LRBA: variants seen among roughly 807,000 people sequenced by gnomAD.
LRBA encodes the protein LPS responsive beige-like anchor protein, also known as lipopolysaccharide-responsive and beige-like anchor protein.
In LRBA, 176 loss-of-function variants were observed where a neutral mutation model predicts 330.0. The observed-to-expected ratio is 0.53, with a 90% confidence interval of 0.47 to 0.60. The LOEUF (loss-of-function observed/expected upper bound fraction) is 0.60, where lower values mean the gene tolerates loss of function less well. LRBA is among the 20% of genes least tolerant of loss of function. The probability of loss-of-function intolerance (pLI) is 0.00; values close to 1 mark genes in which losing one functional copy is unlikely to be tolerated. For missense variants in LRBA, 3,259 were observed against 3,444.8 expected (o/e 0.95, Z 1.35); for synonymous variants, 1,230 against 1,193.0 (o/e 1.03, Z -0.64).
chr4:150,664,891 T>C (rs1781437297), intron 37 of LRBA, among the ~76,000 whole-genome samples: 1 of 152,196 alleles, frequency 6.6e-6, no homozygotes. Flanking sequence ...TTTTGAGACA[T>C]AACTCACATA....
At chr4:150,729,717 A>T (rs1560740032) in intron 36 of LRBA, among the ~76,000 whole-genome samples, 1 of 152,198 alleles carries the variant, frequency 6.6e-6, no homozygotes. Flanking sequence ...ATAAAACTGG[A>T]GGAATCAGAT....
At chr4:150,639,375 A>G (rs1343459740) in intron 37 of LRBA, among the ~76,000 whole-genome samples, 2 of 130,080 alleles carry the variant, frequency 1.5e-5, no homozygotes, top group African/African-American at 2.8e-5. Flanking sequence ...AAAAAAAAGA[A>G]AAAAAAAAAC....
At chr4:150,638,752 G>T (rs1778185851) in intron 37 of LRBA, among the ~76,000 whole-genome samples, 1 of 130,442 alleles carries the variant, frequency 7.7e-6, no homozygotes, top group African/African-American at 3.0e-5. Context: ...TACACTGTTG[G>T]TGGGACTGTA....
intron 9 of LRBA, among the ~76,000 whole-genome samples, chr4:150,912,656 T>G (rs2149484454): frequency 6.6e-6 from 1 of 152,316 alleles, no homozygotes; most frequent in East Asian, 1.9e-4. Context: ...TCCATGAAAC[T>G]GGTCCCTGGG....
intron 37 of LRBA, among the ~76,000 whole-genome samples, chr4:150,651,335 G>T (rs541115716): frequency 6.6e-6 from 1 of 152,190 alleles, no homozygotes; most frequent in African/African-American, 2.4e-5. Flanking sequence ...ACGGTGACAC[G>T]GCTATCCTGT....
chr4:151,003,830 TG>T (rs1743693761), intron 2 of LRBA, among the ~76,000 whole-genome samples: 2 of 150,920 alleles, frequency 1.3e-5, no homozygotes, highest in South Asian at 2.1e-4. Flanking sequence ...CATAGACGAA[TG>T]GAACAGAATA....
At chr4:150,767,037 T>G (rs374114825) in intron 34 of LRBA, among the ~76,000 whole-genome samples, 83 of 152,156 alleles carry the variant, frequency 5.5e-4, no homozygotes, top group African/African-American at 1.9e-3. Flanking sequence ...TGAAATCTAC[T>G]ACATAGATCT....
chr4:150,728,888 T>C (rs1328240965), intron 36 of LRBA, among the ~76,000 whole-genome samples: 3 of 152,158 alleles, frequency 2.0e-5, no homozygotes, highest in South Asian at 4.1e-4. Context: ...AGCATTTAAA[T>C]TGGAAAGGAG....
intron 47 of LRBA, among the ~76,000 whole-genome samples, chr4:150,394,912 T>C (rs777865868): frequency 6.6e-5 from 10 of 152,170 alleles, no homozygotes; most frequent in Non-Finnish European, 1.5e-4. Context: ...ATGCTTGTAG[T>C]CATGGCTTAA....
chr4:150,406,646 C>T (rs1326328893), intron 47 of LRBA, among the ~76,000 whole-genome samples: 2 of 152,118 alleles, frequency 1.3e-5, no homozygotes, highest in South Asian at 2.1e-4. Flanking sequence ...GAAGACATAA[C>T]AATTATAAAC....
chr4:150,560,443 T>C (rs1768169477), intron 40 of LRBA, among the ~76,000 whole-genome samples: 1 of 152,160 alleles, frequency 6.6e-6, no homozygotes, highest in African/African-American at 2.4e-5. Context: ...TCCTGTGATG[T>C]CCTCTGTGAC....
intron 34 of LRBA, among the ~76,000 whole-genome samples, chr4:150,782,604 C>T (rs887598944): frequency 6.6e-6 from 1 of 152,192 alleles, no homozygotes; most frequent in African/African-American, 2.4e-5. Context: ...CTCCCACTAA[C>T]GATCTCTAAT....
rs571029968 is a variant in LRBA, at chr4:150,283,872, G to A, written c.8120-1226C>T. On this transcript the variant is annotated intron_variant, in intron 54 of 56. Coordinates refer to ENST00000651943, the MANE Select transcript of LRBA (RefSeq NM_001364905.1). Reference sequence around the variant, plus strand: ...CACATCACTCCTTTCAAAATATGTCGATGACTGCTCACTGCATTATCTGTT... The same window carrying A: ...CACATCACTCCTTTCAAAATATGTCAATGACTGCTCACTGCATTATCTGTT... 2.1e-4 allele frequency among the ~76,000 whole-genome samples: 32 copies of A among 152,202 alleles called. No individual in the cohort carries two copies. The South Asian group carries it at 3.3e-3, about 16-fold the overall frequency.
chr4:150,838,690 G>A (rs184760103), intron 28 of LRBA, among the ~76,000 whole-genome samples: 13 of 152,192 alleles, frequency 8.5e-5, no homozygotes, highest in Admixed American at 2.0e-4. Flanking sequence ...TTTGCCATTC[G>A]TCTAATCTTT....
intron 39 of LRBA, among the ~76,000 whole-genome samples, chr4:150,589,300 T>C (rs142748520): frequency 6.6e-6 from 1 of 152,274 alleles, no homozygotes; most frequent in Non-Finnish European, 1.5e-5. Flanking sequence ...AGGGTGATAG[T>C]GCTTAATCTC....
intron 5 of LRBA, among the ~76,000 whole-genome samples, chr4:150,919,609 A>G (rs1239113974): frequency 6.6e-6 from 1 of 152,042 alleles, no homozygotes; most frequent in Non-Finnish European, 1.5e-5. Context: ...AAAAAGGAAA[A>G]GAATAATTAC....
chr4:150,860,810 C>T (rs897458285), intron 22 of LRBA, among the ~76,000 whole-genome samples: 13 of 150,900 alleles, frequency 8.6e-5, no homozygotes, highest in East Asian at 3.9e-4. Context: ...AGCGAGACTC[C>T]GTCTCAAAAA....
At chr4:150,675,933 A>G (rs1056161369) in intron 37 of LRBA, among the ~76,000 whole-genome samples, 4 of 152,180 alleles carry the variant, frequency 2.6e-5, no homozygotes, top group Admixed American at 2.6e-4. Context: ...ACACAATCTT[A>G]GAGGTGAAGA....
intron 36 of LRBA, among the ~76,000 whole-genome samples, chr4:150,728,705 A>C (rs1340811110): frequency 6.6e-6 from 1 of 152,138 alleles, no homozygotes; most frequent in Non-Finnish European, 1.5e-5. Flanking sequence ...ATATGCCTTA[A>C]CATAATAAGC....
Sources: allele counts gnomAD v4.1 joint callset (sites outside exome capture counted in the v4.1 genomes callset), GRCh38; gene constraint gnomAD v4.1.1; transcripts MANE v1.5; gene names NCBI Gene and HGNC (gene_info 2026-07-23, HGNC 2026-07-21).